Variants in UNC13C observed in about 807,000 individuals in gnomAD.
UNC13C encodes the protein unc-13 homolog C, also known as protein unc-13 homolog C.
UNC13C carries 174 observed loss-of-function variants against 245.4 expected under a neutral mutation model. That is an observed-to-expected ratio of 0.71 (90% CI 0.63 to 0.80). The LOEUF (loss-of-function observed/expected upper bound fraction) is 0.80. UNC13C is among the 30% of genes least tolerant of loss of function. UNC13C has a pLI of 0.00. For synonymous variants in UNC13C, 992 were observed against 895.1 expected (o/e 1.11, Z -1.93); for missense variants, 2,829 against 2,602.9 (o/e 1.09, Z -1.89).
intron 25 of UNC13C, among the ~76,000 whole-genome samples, chr15:54,526,459 C>T (rs1007938118): frequency 6.6e-6 from 1 of 152,192 alleles, no homozygotes; most frequent in African/African-American, 2.4e-5. Context: ...GGGCCGGGTA[C>T]GGTGGCTTAT....
chr15:54,345,650 G>A (rs1278297471), intron 17 of UNC13C, among the ~76,000 whole-genome samples: 3 of 152,114 alleles, frequency 2.0e-5, no homozygotes, highest in East Asian at 1.9e-4. Flanking sequence ...GCACAATCTG[G>A]CTTATTTTGA....
At chr15:54,552,119 A>G (rs766689166) in intron 28 of UNC13C, among the ~76,000 whole-genome samples, 8 of 149,552 alleles carry the variant, frequency 5.3e-5, no homozygotes, top group Non-Finnish European at 1.0e-4. Context: ...GTGGGGAACT[A>G]ATTGGTTTTC....
the UNC13C span, among the ~76,000 whole-genome samples, chr15:53,916,604 TG>T: frequency 6.6e-6 from 1 of 152,188 alleles, no homozygotes; most frequent in African/African-American, 2.4e-5. Context: ...AGAAGCTCTA[TG>T]CAGTGTGGCT....
chr15:54,316,421 C>G (rs1342905775), intron 13 of UNC13C, among the ~76,000 whole-genome samples: 2 of 151,912 alleles, frequency 1.3e-5, no homozygotes, highest in Non-Finnish European at 2.9e-5. Flanking sequence ...TTGGCTATCT[C>G]TTAGTCATTC....
chr15:53,980,269 C>T (rs970774129), intron 1 of UNC13C, among the ~76,000 whole-genome samples: 3 of 152,142 alleles, frequency 2.0e-5, no homozygotes, highest in Non-Finnish European at 2.9e-5. Flanking sequence ...TAAAATTCCA[C>T]GCATGACTAT....
chr15:54,474,158 G>A (rs1165661949), intron 19 of UNC13C, among the ~76,000 whole-genome samples: 1 of 151,824 alleles, frequency 6.6e-6, no homozygotes, highest in African/African-American at 2.4e-5. Flanking sequence ...TTGATTTGTT[G>A]ATTTGCTTTT....
At chr15:54,580,980 C>G (rs1002758401) in intron 30 of UNC13C, among the ~76,000 whole-genome samples, 1 of 152,166 alleles carries the variant, frequency 6.6e-6, no homozygotes, top group African/African-American at 2.4e-5. Context: ...GCACAAAGCA[C>G]TGTGCTAGGT....
intron 4 of UNC13C, among the ~76,000 whole-genome samples, chr15:54,172,760 A>G (rs1020419155): frequency 4.4e-4 from 45 of 101,644 alleles, no homozygotes; most frequent in African/African-American, 1.5e-3. Context: ...ATATATATAT[A>G]TCTTTACTCT....
At chr15:54,351,016 A>G (rs1365393991) in intron 17 of UNC13C, among the ~76,000 whole-genome samples, 1 of 152,204 alleles carries the variant, frequency 6.6e-6, no homozygotes, top group Non-Finnish European at 1.5e-5. Context: ...GTGACTTTGT[A>G]TAATAGTTAC....
intron 13 of UNC13C, among the ~76,000 whole-genome samples, chr15:54,318,869 A>G (rs2038077940): frequency 1.3e-5 from 2 of 151,964 alleles, no homozygotes; most frequent in Non-Finnish European, 2.9e-5. Context: ...ACTTATAAAA[A>G]TCATCCTGTG....
intron 25 of UNC13C, among the ~76,000 whole-genome samples, chr15:54,526,454 G>C (rs939081922): frequency 6.6e-6 from 1 of 152,028 alleles, no homozygotes; most frequent in East Asian, 1.9e-4. Flanking sequence ...CTTCAGGGCC[G>C]GGTACGGTGG....
intron 19 of UNC13C, among the ~76,000 whole-genome samples, chr15:54,478,401 T>A (rs1168945566): frequency 8.1e-6 from 1 of 123,174 alleles, no homozygotes; most frequent in Non-Finnish European, 1.7e-5. Context: ...AATTGTGATA[T>A]TAGGGTGTCA....
chr15:53,871,069 T>A, the UNC13C span, among the ~76,000 whole-genome samples: 9 of 152,208 alleles, frequency 5.9e-5, no homozygotes, highest in African/African-American at 2.2e-4. Flanking sequence ...TCTCCAAAAT[T>A]ACCTGCCCCA....
the UNC13C span, among the ~76,000 whole-genome samples, chr15:53,930,240 A>T: frequency 3.3e-5 from 5 of 152,186 alleles, no homozygotes; most frequent in Admixed American, 1.3e-4. Context: ...TCCTCATAGC[A>T]CGACAGTTGA....
chr15:54,539,878 C>G (rs1896164870), intron 26 of UNC13C, among the ~76,000 whole-genome samples: 1 of 151,958 alleles, frequency 6.6e-6, no homozygotes, highest in Non-Finnish European at 1.5e-5. Context: ...TTTACTCAGT[C>G]TTACTAAAGT....
At chr15:54,050,871 G>T in intron 2 of UNC13C, 1 of 559,906 alleles carries the variant, frequency 1.8e-6, no homozygotes, top group Non-Finnish European at 3.6e-6. Context: ...GATATCTTCA[G>T]TCTCATGACT....
In UNC13C at chr15:54,388,792, T is replaced by C. The variant is rs139664216; in HGVS notation, c.4714-4256T>C. 6.1e-3 allele frequency among the ~76,000 whole-genome samples: 926 copies of C among 152,280 alleles called. 7 individuals carry two copies. Among genetic ancestry groups the C allele is most frequent in the Middle Eastern group, 0.034 (10 of 294 alleles). On this transcript the variant is annotated intron_variant, in intron 17 of 32. Transcript: ENST00000260323. ...ATCTCTCTCTTTTTGAGTAATCTAA[T>C]TTATTCCATAATTTCGGCTGCCACA...
At chr15:54,501,693 T>C (rs1396661767) in intron 22 of UNC13C, among the ~76,000 whole-genome samples, 1 of 152,106 alleles carries the variant, frequency 6.6e-6, no homozygotes, top group African/African-American at 2.4e-5. Context: ...TCAAGCTTAG[T>C]GAGATCAACC....
intron 19 of UNC13C, among the ~76,000 whole-genome samples, chr15:54,428,526 C>T (rs1210203022): frequency 6.6e-6 from 1 of 151,532 alleles, no homozygotes. Context: ...GAAAGTAGAG[C>T]CACCCTCAAT....
Sources: gnomAD v4.1 joint callset for allele counts (sites outside exome capture counted in the v4.1 genomes callset) on GRCh38, gnomAD v4.1.1 for gene constraint, MANE v1.5 for transcripts, NCBI Gene and HGNC (gene_info 2026-07-23, HGNC 2026-07-21) for gene names.